The following OTUD7B variants were observed in gnomAD, a reference collection of about 807,000 sequenced individuals.
OTUD7B encodes OTU deubiquitinase 7B, also known as OTU domain-containing protein 7B.
Under a neutral mutation model 82.2 loss-of-function variants are expected in OTUD7B, and 34 were observed. The observed-to-expected ratio is 0.41, with a 90% CI of 0.31 to 0.55. The LOEUF (loss-of-function observed/expected upper bound fraction) is 0.55. OTUD7B is among the 20% of genes least tolerant of loss of function. The pLI is 0.20. For missense variants in OTUD7B, 944 were observed against 1,062.1 expected (o/e 0.89, Z 1.55); for synonymous variants, 398 against 402.7 (o/e 0.99, Z 0.14).
the OTUD7B span, among the ~76,000 whole-genome samples, chr1:150,045,902 A>T: frequency 2.5e-4 from 38 of 152,326 alleles, no homozygotes; most frequent in Non-Finnish European, 2.9e-4. Context: ...AAGAGACACA[A>T]GCCTTATATA....
At chr1:150,049,629 C>CTCTTTTTT in the OTUD7B span, among the ~76,000 whole-genome samples, 14 of 43,464 alleles carry the variant, frequency 3.2e-4, 3 homozygotes, top group East Asian at 4.5e-3. Context: ...CTCTCTCTCT[C>CTCTTTTTT]TTTCTTTTTT....
upstream of OTUD7B, among the ~76,000 whole-genome samples, chr1:150,015,333 A>C (rs1316198732): frequency 3.9e-5 from 5 of 127,456 alleles, no homozygotes; most frequent in Admixed American, 5.1e-4. Context: ...TGGCTCTGTC[A>C]CCCAGGCTGG....
chr1:149,964,047 A>G, intron 6 of OTUD7B, 175 bp downstream of exon 6: 1 of 645,698 alleles, frequency 1.5e-6, no homozygotes, highest in East Asian at 2.7e-5. Context: ...TCTCATGACC[A>G]CATCAGAAGG....
At chr1:149,956,281 C>T (rs1553774548) in intron 7 of OTUD7B, among the ~76,000 whole-genome samples, 1 of 152,098 alleles carries the variant, frequency 6.6e-6, no homozygotes, top group Non-Finnish European at 1.5e-5. Flanking sequence ...TTTTATTTCT[C>T]CTTCACTTAT....
rs781899465 is a variant in OTUD7B, at chr1:149,964,218, C to A, written c.732+4G>T. Reference sequence around the variant, plus strand: ...ACAAGGCGCTCCCACCCACGCTCTCCCACCTCTTTATTCTGCTGTGTCTGC... The same window carrying A: ...ACAAGGCGCTCCCACCCACGCTCTCACACCTCTTTATTCTGCTGTGTCTGC... On this transcript the variant is annotated splice_donor_region_variant and intron_variant, in intron 6 of 11. Coordinates refer to ENST00000581312, the MANE Select transcript of OTUD7B (RefSeq NM_020205.4). 1 of 1,611,816 alleles carries A rather than the reference C, an allele frequency of 6.2e-7. No homozygotes were observed. Among genetic ancestry groups the A allele is most frequent in the African/African-American group, 1.3e-5 (1 of 74,924 alleles).
chr1:150,008,907 G>T (rs1055514174), intron 1 of OTUD7B, among the ~76,000 whole-genome samples: 1 of 152,134 alleles, frequency 6.6e-6, no homozygotes, highest in African/African-American at 2.4e-5. Context: ...CTTTGTCAGG[G>T]AGGTGCTCTG....
chr1:150,047,088 A>G, the OTUD7B span, among the ~76,000 whole-genome samples: 2 of 151,768 alleles, frequency 1.3e-5, no homozygotes, highest in Non-Finnish European at 2.9e-5. Flanking sequence ...AAACAAAGTC[A>G]ATATCCTCAC....
At chr1:150,001,686 A>G (rs1416664258) in intron 1 of OTUD7B, among the ~76,000 whole-genome samples, 1 of 152,184 alleles carries the variant, frequency 6.6e-6, no homozygotes, top group Non-Finnish European at 1.5e-5. Flanking sequence ...ACTCACAAAC[A>G]AAAACAAAAT....
intron 1 of OTUD7B, among the ~76,000 whole-genome samples, chr1:149,990,155 T>G (rs1363060320): frequency 6.6e-6 from 1 of 152,218 alleles, no homozygotes; most frequent in Non-Finnish European, 1.5e-5. Context: ...AACATGTTAT[T>G]AGTGCCCATT....
At chr1:149,960,413 TAG>T (rs1649073331) in intron 6 of OTUD7B, among the ~76,000 whole-genome samples, 10 of 72,570 alleles carry the variant, frequency 1.4e-4, no homozygotes, top group East Asian at 4.9e-4. Flanking sequence ...TTTTTTTTTG[TAG>T]ACAGAGTCAC....
intron 10 of OTUD7B, among the ~76,000 whole-genome samples, chr1:149,948,172 T>C (rs1647898338): frequency 6.7e-6 from 1 of 148,762 alleles, no homozygotes; most frequent in Admixed American, 6.8e-5. Context: ...AGAGATGTGG[T>C]TTCTCCATGT....
intron 1 of OTUD7B, among the ~76,000 whole-genome samples, chr1:150,004,963 A>G (rs587622208): frequency 4.9e-4 from 74 of 152,178 alleles, no homozygotes; most frequent in African/African-American, 1.7e-3. Context: ...CCTGGGTTCA[A>G]GTGATTCTCC....
the OTUD7B span, among the ~76,000 whole-genome samples, chr1:150,039,498 C>T: frequency 1.3e-5 from 2 of 152,138 alleles, no homozygotes; most frequent in South Asian, 2.1e-4. Flanking sequence ...CTGCCTCGGC[C>T]TCCCAGTAGC....
chr1:150,012,076 C>G (rs1426662879), upstream of OTUD7B, among the ~76,000 whole-genome samples: 1 of 152,162 alleles, frequency 6.6e-6, no homozygotes. Flanking sequence ...CCAAGACATA[C>G]AATAGAGGTT....
chr1:149,977,149 T>C (rs1201178303), intron 2 of OTUD7B, among the ~76,000 whole-genome samples: 1 of 152,018 alleles, frequency 6.6e-6, no homozygotes, highest in African/African-American at 2.4e-5. Context: ...TAAAATAAAA[T>C]AAAATTATGT....
Position 149,964,358 on chromosome 1 carries a change from A to G in OTUD7B, c.605-9T>C. 1 of 1,612,094 alleles carries G rather than the reference A, an allele frequency of 6.2e-7. No individual in the cohort carries two copies. The highest frequency in any genetic ancestry group is 8.5e-7 in the Non-Finnish European group (1 of 1,179,058). ...ATGGAAACCCCACATTCCTGTGGCA[A>G]AAAAGCATAATGGTAAGATACCTCA... On this transcript the variant is annotated splice_polypyrimidine_tract_variant and intron_variant, in intron 5 of 11. Coordinates refer to ENST00000581312, the MANE Select transcript of OTUD7B (RefSeq NM_020205.4).
At chr1:149,951,601 C>T (rs1372748635) in intron 7 of OTUD7B, among the ~76,000 whole-genome samples, 2 of 152,086 alleles carry the variant, frequency 1.3e-5, no homozygotes, top group African/African-American at 4.8e-5. Flanking sequence ...TCAATGGCTT[C>T]CACCCCCTAA....
chr1:150,031,622 C>T, the OTUD7B span, among the ~76,000 whole-genome samples: 5 of 152,096 alleles, frequency 3.3e-5, no homozygotes, highest in African/African-American at 9.7e-5. Flanking sequence ...TCAGACAAGT[C>T]ATAACATTTT....
At chr1:150,012,932 A>G (rs781987522), upstream of OTUD7B, among the ~76,000 whole-genome samples, 3 of 152,226 alleles carry the variant, frequency 2.0e-5, no homozygotes, top group Admixed American at 2.0e-4. Context: ...CCAGTCCCTA[A>G]TCCATTAAGT....
Sources: gnomAD v4.1 joint callset for allele counts (sites outside exome capture counted in the v4.1 genomes callset) on GRCh38, gnomAD v4.1.1 for gene constraint, MANE v1.5 for transcripts, NCBI Gene and HGNC (gene_info 2026-07-23, HGNC 2026-07-21) for gene names.